The following UNC13C variants were observed in gnomAD, a reference collection of about 807,000 sequenced individuals.
UNC13C encodes the protein unc-13 homolog C.
In UNC13C, 174 loss-of-function variants were observed where a neutral mutation model predicts 245.4. The ratio of observed to expected loss-of-function variants is 0.71; its 90% CI spans 0.63 to 0.80. The LOEUF is 0.80. UNC13C is among the 30% of genes least tolerant of loss of function. The pLI is 0.00. For missense variants in UNC13C, 2,829 were observed against 2,602.9 expected (o/e 1.09, Z -1.89); for synonymous variants, 992 against 895.1 (o/e 1.11, Z -1.93).
intron 18 of UNC13C, among the ~76,000 whole-genome samples, chr15:54,412,050 G>C (rs2040426161): frequency 6.6e-6 from 1 of 151,716 alleles, no homozygotes; most frequent in Non-Finnish European, 1.5e-5. Context: ...TGCTGCATTA[G>C]TCCATTTTGA....
chr15:54,344,283 A>C (rs985048121), intron 17 of UNC13C, among the ~76,000 whole-genome samples: 46 of 152,334 alleles, frequency 3.0e-4, no homozygotes, highest in African/African-American at 1.1e-3. Flanking sequence ...ATGATAAACG[A>C]ACAGTTTATT....
At chr15:54,479,507 T>C (rs1455765680) in intron 19 of UNC13C, among the ~76,000 whole-genome samples, 1 of 152,132 alleles carries the variant, frequency 6.6e-6, no homozygotes, top group African/African-American at 2.4e-5. Flanking sequence ...ACAGTCAGAT[T>C]TTTTTAAATC....
At chr15:54,619,493 TTGTTGTC>T (rs1282823311) in intron 30 of UNC13C, among the ~76,000 whole-genome samples, 1 of 152,178 alleles carries the variant, frequency 6.6e-6, no homozygotes, top group African/African-American at 2.4e-5. Context: ...TGGCCACACT[TTGTTGTC>T]TGTGTGTGAA....
the UNC13C span, among the ~76,000 whole-genome samples, chr15:53,960,333 A>G: frequency 1.4e-5 from 2 of 139,718 alleles, no homozygotes; most frequent in Non-Finnish European, 1.6e-5. Flanking sequence ...AATCTATATC[A>G]TGTTTTTTTT....
chr15:54,182,666 C>T (rs1241086360), intron 4 of UNC13C, among the ~76,000 whole-genome samples: 1 of 151,806 alleles, frequency 6.6e-6, no homozygotes, highest in African/African-American at 2.4e-5. Flanking sequence ...TTTAACAACC[C>T]ACGATTTATC....
In UNC13C at chr15:54,049,387, G is replaced by C. The variant is rs1018797792; in HGVS notation, c.2983+33501G>C. On this transcript the variant is annotated intron_variant, in intron 2 of 32. Transcript: ENST00000260323. ...TTCTGCCTGCAGGATAAAACTAACA[G>C]TTCCTTCTTTGAGATCAAATATAAT... The C allele has an allele frequency of 7.6e-5, 39 of 514,864 alleles. No homozygotes were observed. The Admixed American group carries it at 8.3e-4, about 11-fold the overall frequency. 31.9% of individuals were successfully genotyped at this position (514,864 alleles called of 1,614,324 possible).
At chr15:54,006,225 T>C (rs1052933465) in intron 1 of UNC13C, among the ~76,000 whole-genome samples, 1 of 152,184 alleles carries the variant, frequency 6.6e-6, no homozygotes, top group South Asian at 2.1e-4. Context: ...TGTTTACTCT[T>C]AAACAAAAGT....
chr15:54,272,312 T>G (rs865923826), intron 10 of UNC13C, among the ~76,000 whole-genome samples: 90 of 152,298 alleles, frequency 5.9e-4, no homozygotes, highest in African/African-American at 2.1e-3. Flanking sequence ...GGGCTGAGTA[T>G]CAGTTAAGCA....
At chr15:53,841,550 T>A in the UNC13C span, among the ~76,000 whole-genome samples, 2 of 152,218 alleles carry the variant, frequency 1.3e-5, no homozygotes, top group South Asian at 4.1e-4. Flanking sequence ...GATATTTTTG[T>A]TGAGAATAAG....
At chr15:54,552,642 ATAATTATATAATTATAT>A (rs1896846717) in intron 28 of UNC13C, among the ~76,000 whole-genome samples, 2 of 81,204 alleles carry the variant, frequency 2.5e-5, no homozygotes, top group African/African-American at 6.1e-5. Flanking sequence ...ACAATATAAT[ATAATTATATAATTATAT>A]TATATTGTAC....
At chr15:54,267,132 A>G (rs946548684) in intron 10 of UNC13C, among the ~76,000 whole-genome samples, 4 of 152,124 alleles carry the variant, frequency 2.6e-5, no homozygotes, top group Non-Finnish European at 5.9e-5. Context: ...GACTCATGCT[A>G]AAACTGACAT....
intron 4 of UNC13C, among the ~76,000 whole-genome samples, chr15:54,176,655 T>G (rs1344991816): frequency 2.0e-5 from 3 of 152,132 alleles, no homozygotes; most frequent in African/African-American, 7.2e-5. Flanking sequence ...ATTGAGCCAA[T>G]AGACTCAATA....
At chr15:54,581,628 G>A (rs948014355) in intron 30 of UNC13C, among the ~76,000 whole-genome samples, 2 of 152,144 alleles carry the variant, frequency 1.3e-5, no homozygotes, top group African/African-American at 4.8e-5. Flanking sequence ...TTTCCTTAGA[G>A]GCTTCATCTC....
rs1339019613 is a variant in UNC13C at position 54,332,033 on chromosome 15, C to G, written c.4426-10C>G. The G allele has an allele frequency of 6.4e-7, 1 of 1,562,692 alleles. No homozygotes were observed. Among genetic ancestry groups the G allele is most frequent in the East Asian group, 2.3e-5 (1 of 43,378 alleles). ...TTTCCATTCTCCTATTTTGTGTTTG[C>G]TTTGTACAGAGGGAAAAATTCATAA... On this transcript the variant is annotated splice_polypyrimidine_tract_variant and intron_variant, in intron 14 of 32. Transcript: ENST00000260323.
intron 4 of UNC13C, among the ~76,000 whole-genome samples, chr15:54,195,808 C>T (rs1489371984): frequency 1.3e-5 from 2 of 152,094 alleles, no homozygotes; most frequent in Non-Finnish European, 2.9e-5. Flanking sequence ...GCAATGAAGA[C>T]ATCTTATTGC....
chr15:54,062,364 C>T (rs1292739731), intron 2 of UNC13C, among the ~76,000 whole-genome samples: 1 of 151,888 alleles, frequency 6.6e-6, no homozygotes, highest in Non-Finnish European at 1.5e-5. Flanking sequence ...GTGTGATTCT[C>T]CTAACATGGC....
chr15:53,877,685 T>C, the UNC13C span, among the ~76,000 whole-genome samples: 1 of 152,132 alleles, frequency 6.6e-6, no homozygotes, highest in Non-Finnish European at 1.5e-5. Context: ...AGGTTAAGTG[T>C]ATGTATGAAT....
intron 2 of UNC13C, among the ~76,000 whole-genome samples, chr15:54,042,871 G>C (rs927197051): frequency 8.5e-6 from 1 of 117,940 alleles, no homozygotes; most frequent in Non-Finnish European, 2.0e-5. Context: ...AAAAGAAAAA[G>C]AAAAAGAAAC....
chr15:54,233,827 G>A (rs150879711), intron 4 of UNC13C, among the ~76,000 whole-genome samples: 7 of 152,138 alleles, frequency 4.6e-5, no homozygotes, highest in South Asian at 4.1e-4. Context: ...AGCTATTACC[G>A]AGGGGCATGA....
Sources: gnomAD v4.1 joint callset for allele counts (sites outside exome capture counted in the v4.1 genomes callset) on GRCh38, gnomAD v4.1.1 for gene constraint, MANE v1.5 for transcripts, NCBI Gene and HGNC (gene_info 2026-07-23, HGNC 2026-07-21) for gene names.